The following OPCML variants were observed in gnomAD, a reference collection of about 807,000 sequenced individuals.
OPCML encodes opioid-binding protein/cell adhesion molecule.
In OPCML, 13 loss-of-function variants were observed where a neutral mutation model predicts 37.8. The ratio of observed to expected loss-of-function variants is 0.34; its 90% CI spans 0.22 to 0.55. The LOEUF is 0.55. Ranked by LOEUF, OPCML falls within the 20% of genes least tolerant of loss-of-function variation. The pLI, the probability that OPCML is intolerant of heterozygous loss-of-function variation, is 0.91. For synonymous variants in OPCML, 176 were observed against 168.8 expected, an observed-to-expected ratio of 1.04 and a Z score of -0.33; for missense variants, 341 against 435.6, an observed-to-expected ratio of 0.78 and a Z score of 1.93.
At chr11:132,718,262 A>G (rs560334761) in intron 2 of OPCML, among the ~76,000 whole-genome samples, 14 of 152,132 alleles carry the variant, frequency 9.2e-5, no homozygotes, top group Non-Finnish European at 1.8e-4. Flanking sequence ...TTTATCCTGT[A>G]GCACCAGTGG....
chr11:133,240,228 A>AAC (rs1555120856), intron 1 of OPCML, among the ~76,000 whole-genome samples: 4 of 150,970 alleles, frequency 2.6e-5, no homozygotes, highest in Non-Finnish European at 5.9e-5. Flanking sequence ...AAAAAAAAAA[A>AAC]AAAAAAACAG....
At chr11:133,496,057 C>G (rs1375156710) in intron 1 of OPCML, among the ~76,000 whole-genome samples, 2 of 152,150 alleles carry the variant, frequency 1.3e-5, no homozygotes, top group Non-Finnish European at 2.9e-5. Flanking sequence ...GTCCTTAATC[C>G]ACCTTGAGTT....
chr11:133,239,144 G>A (rs908977091), intron 1 of OPCML, among the ~76,000 whole-genome samples: 1 of 152,160 alleles, frequency 6.6e-6, no homozygotes, highest in East Asian at 1.9e-4. Context: ...CTGACAAAGT[G>A]CACTAGATAA....
chr11:132,919,311 A>G (rs1944709513), intron 2 of OPCML, among the ~76,000 whole-genome samples: 1 of 152,128 alleles, frequency 6.6e-6, no homozygotes, highest in South Asian at 2.1e-4. Flanking sequence ...CATCAGCATC[A>G]CTGGGAAACA....
intron 1 of OPCML, among the ~76,000 whole-genome samples, chr11:133,061,877 A>G (rs11823493): frequency 4.3e-4 from 63 of 148,170 alleles, no homozygotes; most frequent in Admixed American, 1.5e-3. Context: ...GCATGCATAA[A>G]TGGGACACTA....
At chr11:132,470,163 G>C (rs1425602965) in intron 4 of OPCML, among the ~76,000 whole-genome samples, 1 of 152,046 alleles carries the variant, frequency 6.6e-6, no homozygotes, top group Non-Finnish European at 1.5e-5. Flanking sequence ...TGTTGCAGAA[G>C]GGATGCAAAA....
intron 2 of OPCML, among the ~76,000 whole-genome samples, chr11:132,674,055 A>C (rs1337000469): frequency 1.3e-5 from 2 of 152,210 alleles, no homozygotes; most frequent in Non-Finnish European, 2.9e-5. Flanking sequence ...GAGGCTCTTC[A>C]AAGTGTTTAG....
At chr11:133,182,102 C>T (rs953630961) in intron 1 of OPCML, among the ~76,000 whole-genome samples, 1 of 152,202 alleles carries the variant, frequency 6.6e-6, no homozygotes, top group Non-Finnish European at 1.5e-5. Flanking sequence ...CAAAACAAAA[C>T]GTGATGCTAC....
chr11:132,625,336 A>C (rs997483434), intron 3 of OPCML, among the ~76,000 whole-genome samples: 11 of 152,104 alleles, frequency 7.2e-5, no homozygotes, highest in Non-Finnish European at 4.4e-5. Context: ...TGTTGTGAAG[A>C]GGTGTATATT....
At chr11:133,058,776 A>T (rs1376681400) in intron 1 of OPCML, among the ~76,000 whole-genome samples, 4 of 152,332 alleles carry the variant, frequency 2.6e-5, no homozygotes, top group Admixed American at 6.5e-5. Context: ...AACTGCTGAG[A>T]GTCTATACAT....
intron 1 of OPCML, among the ~76,000 whole-genome samples, chr11:133,306,183 C>A (rs1428218271): frequency 6.6e-6 from 1 of 152,176 alleles, no homozygotes; most frequent in Admixed American, 6.5e-5. Context: ...GTCCTGAAAT[C>A]ATGAGTGCAG....
chr11:132,747,554 G>T (rs1193830422), intron 2 of OPCML, among the ~76,000 whole-genome samples: 1 of 152,138 alleles, frequency 6.6e-6, no homozygotes, highest in African/African-American at 2.4e-5. Flanking sequence ...AGCCAACCTT[G>T]CAACCAAAAG....
At chr11:133,285,578 A>C (rs1942273123) in intron 1 of OPCML, among the ~76,000 whole-genome samples, 1 of 152,238 alleles carries the variant, frequency 6.6e-6, no homozygotes, top group South Asian at 2.1e-4. Context: ...CTCAGACTTC[A>C]GCTGTTAAAA....
chr11:133,476,386 T>C (rs1947239883), intron 1 of OPCML, among the ~76,000 whole-genome samples: 2 of 40,266 alleles, frequency 5.0e-5, no homozygotes, highest in Admixed American at 3.2e-4. Flanking sequence ...TTGTACTCTG[T>C]TGTTAGTTTT....
At chr11:133,372,830 C>T (rs957467255) in intron 1 of OPCML, among the ~76,000 whole-genome samples, 5 of 152,188 alleles carry the variant, frequency 3.3e-5, no homozygotes, top group Non-Finnish European at 7.3e-5. Context: ...TATTGCCATT[C>T]TCAGGTATCT....
chr11:132,972,201 T>A (rs1458322116), intron 1 of OPCML, among the ~76,000 whole-genome samples: 1 of 152,140 alleles, frequency 6.6e-6, no homozygotes, highest in Non-Finnish European at 1.5e-5. Flanking sequence ...GATGGCAGCT[T>A]CTTCGTTGTA....
intron 1 of OPCML, chr11:133,006,282 T>A: frequency 2.0e-6 from 1 of 500,212 alleles, no homozygotes; most frequent in Non-Finnish European, 2.6e-6. Context: ...GACTCTGGCC[T>A]GGTGAGAGAG....
At chr11:133,178,444 T>C (rs957610630) in intron 1 of OPCML, among the ~76,000 whole-genome samples, 5 of 151,944 alleles carry the variant, frequency 3.3e-5, no homozygotes, top group African/African-American at 1.2e-4. Flanking sequence ...TATGAATATA[T>C]ATATATATGA....
chr11:133,330,209 G>C (rs1023995333), intron 1 of OPCML, among the ~76,000 whole-genome samples: 34 of 152,334 alleles, frequency 2.2e-4, no homozygotes, highest in African/African-American at 7.0e-4. Context: ...AGGATGTGGA[G>C]AAATAGGAAC....
Sources: gnomAD v4.1 joint callset for allele counts (sites outside exome capture counted in the v4.1 genomes callset) on GRCh38, gnomAD v4.1.1 for gene constraint, MANE v1.5 for transcripts, NCBI Gene and HGNC (gene_info 2026-07-23, HGNC 2026-07-21) for gene names.